BRI3: variants seen among roughly 807,000 people sequenced by gnomAD.
BRI3 encodes brain protein I3, also known as membrane protein BRI3.
A neutral mutation model predicts 12.8 loss-of-function variants in BRI3; 6 were observed. The observed-to-expected ratio is 0.47, with a 90% CI of 0.26 to 0.93. BRI3 has a LOEUF of 0.93. BRI3 is among the 40% of genes least tolerant of loss of function. BRI3 has a pLI of 0.15. For missense variants in BRI3, 134 were observed against 171.1 expected, an observed-to-expected ratio of 0.78 and a Z score of 1.21; for synonymous variants, 91 against 76.1, an observed-to-expected ratio of 1.20 and a Z score of -1.02.
At chr7:98,310,332 C>A in exon 2 of BRI3, 1 of 1,220,672 alleles carries the variant, frequency 8.2e-7, no homozygotes, top group Non-Finnish European at 1.1e-6. Flanking sequence ...TCTACCATAC[C>A]TGCTTGTTTA....
rs1465621628 is a variant in BRI3, at chr7:98,281,954, CT to C, written c.142+20del. The C allele has an allele frequency of 7.7e-7, 1 of 1,292,150 alleles. No individual in the cohort carries two copies. Among genetic ancestry groups the C allele is most frequent in the Non-Finnish European group, 9.8e-7 (1 of 1,021,612 alleles). 80.0% of individuals were successfully genotyped at this position (1,292,150 alleles called of 1,614,324 possible). On this transcript the variant is annotated intron_variant, in intron 1 of 2. Transcript: ENST00000297290. ...TCGTCACAGGTGGGCCCGTAACCAA[CT>C]TTCCCCGCCGGCGGCTTCCGAGGTG...
At chr7:98,307,899 G>A (rs759657329) in exon 2 of BRI3, 1 of 1,614,128 alleles carries the variant, frequency 6.2e-7, no homozygotes. Context: ...GGAAGTACCT[G>A]TTGGAGGGAG....
chr7:98,290,738 A>C (rs1799905514), intron 2 of BRI3, among the ~76,000 whole-genome samples: 1 of 151,686 alleles, frequency 6.6e-6, no homozygotes, highest in African/African-American at 2.4e-5. Context: ...AACTCAGGTG[A>C]TCCACCCGCC....
At chr7:98,317,256 C>A in the BRI3 span, 1 of 1,614,244 alleles carries the variant, frequency 6.2e-7, no homozygotes, top group Non-Finnish European at 8.5e-7. Flanking sequence ...TGCGTTTCGG[C>A]TTCCTTGGCT....
At chr7:98,296,136 A>G (rs542147986), downstream of BRI3, among the ~76,000 whole-genome samples, 1 of 152,284 alleles carries the variant, frequency 6.6e-6, no homozygotes, top group South Asian at 2.1e-4. Context: ...GACTGTCCCT[A>G]CGGGGCCACC....
downstream of BRI3, among the ~76,000 whole-genome samples, chr7:98,311,372 T>G (rs373192099): frequency 2.0e-5 from 3 of 150,092 alleles, no homozygotes; most frequent in Non-Finnish European, 4.4e-5. Flanking sequence ...TGAAACCCGG[T>G]TTCCACTAAA....
chr7:98,305,818 G>A (rs995999942), upstream of BRI3, among the ~76,000 whole-genome samples: 5 of 152,156 alleles, frequency 3.3e-5, no homozygotes, highest in Non-Finnish European at 7.3e-5. Context: ...CAGTCTCTAG[G>A]CAATAACTAC....
At chr7:98,303,348 C>T (rs556752411), upstream of BRI3, among the ~76,000 whole-genome samples, 424 of 152,232 alleles carry the variant, frequency 2.8e-3, 2 homozygotes, top group Non-Finnish European at 4.7e-3. Context: ...GCTCCTGGAG[C>T]GAGGGGTGCA....
intron 1 of BRI3, among the ~76,000 whole-genome samples, 168 bp from the exon 2 acceptor site, chr7:98,282,183 C>T (rs1425921740): frequency 6.6e-6 from 1 of 152,206 alleles, no homozygotes; most frequent in African/African-American, 2.4e-5. Flanking sequence ...ACGAGGCGCT[C>T]GCTGTTGGCA....
intron 1 of BRI3, among the ~76,000 whole-genome samples, chr7:98,297,991 G>A (rs923787878): frequency 1.3e-5 from 2 of 152,248 alleles, no homozygotes; most frequent in Non-Finnish European, 2.9e-5. Context: ...AGCACCTTGG[G>A]AGGCCAAGGC....
chr7:98,305,523 G>A (rs189240205), upstream of BRI3, among the ~76,000 whole-genome samples: 21 of 152,208 alleles, frequency 1.4e-4, no homozygotes, highest in East Asian at 3.9e-3. Flanking sequence ...TGTGAACTTC[G>A]ATCCTCCCGC....
chr7:98,306,885 T>C (rs1281497357), intron 1 of BRI3: 1 of 216,882 alleles, frequency 4.6e-6, no homozygotes. Flanking sequence ...AAGCAATATA[T>C]GTTGTATGTA....
the BRI3 span, among the ~76,000 whole-genome samples, chr7:98,318,567 C>T: frequency 6.6e-6 from 1 of 152,002 alleles, no homozygotes; most frequent in South Asian, 2.1e-4. Flanking sequence ...GCGTGAGCCA[C>T]CACGCCCAGT....
At chr7:98,318,827 C>T in the BRI3 span, among the ~76,000 whole-genome samples, 1 of 151,138 alleles carries the variant, frequency 6.6e-6, no homozygotes, top group African/African-American at 2.4e-5. Flanking sequence ...GCCTGTAATC[C>T]CAGCTAATTG....
At chr7:98,282,264 T>G (rs1584384859) in intron 1 of BRI3, 87 bp from the exon 2 acceptor site, 1 of 1,163,510 alleles carries the variant, frequency 8.6e-7, no homozygotes, top group Admixed American at 2.1e-5. Context: ...TTTAGCGGGG[T>G]GGAGGTTGAG....
At chr7:98,315,133 AC>A (rs201212873), downstream of BRI3, among the ~76,000 whole-genome samples, 1,268 of 152,084 alleles carry the variant, frequency 8.3e-3, 17 homozygotes, top group African/African-American at 0.029. Context: ...GTACGTATGG[AC>A]TGATTGAGAC....
the BRI3 span, chr7:98,315,472 A>C: frequency 6.7e-7 from 1 of 1,484,932 alleles, no homozygotes; most frequent in South Asian, 1.4e-5. Context: ...GTAAGTGATA[A>C]TAATGTATGT....
At chr7:98,309,795 A>G (rs1332303491) in exon 2 of BRI3, 1 of 151,512 alleles carries the variant, frequency 6.6e-6, no homozygotes, top group Non-Finnish European at 1.5e-5. Context: ...CTGGGTGCTA[A>G]AGACTGTGCA....
chr7:98,307,684 C>T, exon 2 of BRI3: 1 of 1,613,730 alleles, frequency 6.2e-7, no homozygotes. Flanking sequence ...CACGCCCAGA[C>T]TTACGCCTTG....
Sources: gnomAD v4.1 joint callset for allele counts (sites outside exome capture counted in the v4.1 genomes callset) on GRCh38, gnomAD v4.1.1 for gene constraint, MANE v1.5 for transcripts, NCBI Gene and HGNC (gene_info 2026-07-23, HGNC 2026-07-21) for gene names.